Variants in CENPP observed in about 807,000 individuals in gnomAD.
CENPP encodes the protein centromere protein P.
CENPP carries 24 observed loss-of-function variants against 35.6 expected under a neutral mutation model. The observed-to-expected ratio is 0.67, with a 90% CI of 0.49 to 0.95. CENPP has a LOEUF of 0.95. Ranked by LOEUF, CENPP falls within the 40% of genes least tolerant of loss-of-function variation. The probability of loss-of-function intolerance (pLI) is 0.00; values close to 1 mark genes in which losing one functional copy is unlikely to be tolerated. For synonymous variants in CENPP, 120 were observed against 125.5 expected, an observed-to-expected ratio of 0.96 and a Z score of 0.29; for missense variants, 332 against 345.3, an observed-to-expected ratio of 0.96 and a Z score of 0.31.
At chr9:92,562,074 C>G (rs1849859896) in intron 5 of CENPP, among the ~76,000 whole-genome samples, 1 of 152,140 alleles carries the variant, frequency 6.6e-6, no homozygotes, top group South Asian at 2.1e-4. Context: ...GGCTTCAATG[C>G]CTGAATTTGG....
At chr9:92,334,746 G>A (rs1226678418) in intron 2 of CENPP, among the ~76,000 whole-genome samples, 1 of 152,006 alleles carries the variant, frequency 6.6e-6, no homozygotes, top group African/African-American at 2.4e-5. Flanking sequence ...TAGGCATGGT[G>A]GAGTGTTCCT....
At chr9:92,445,622 G>A (rs1038782128) in intron 5 of CENPP, among the ~76,000 whole-genome samples, 7 of 152,142 alleles carry the variant, frequency 4.6e-5, no homozygotes, top group African/African-American at 1.2e-4. Context: ...GGTAGCTCAC[G>A]CCTGTAATCT....
At chr9:92,568,247 C>T (rs1162764502) in intron 5 of CENPP, among the ~76,000 whole-genome samples, 2 of 152,056 alleles carry the variant, frequency 1.3e-5, no homozygotes, top group Non-Finnish European at 2.9e-5. Flanking sequence ...CCCCCCACCG[C>T]ACAACAGGCC....
intron 5 of CENPP, among the ~76,000 whole-genome samples, chr9:92,436,336 T>C (rs532034455): frequency 1.1e-4 from 17 of 152,356 alleles, no homozygotes; most frequent in African/African-American, 4.1e-4. Flanking sequence ...TGCAAAGATT[T>C]TCTCCATTCT....
At chr9:92,507,669 A>C (rs976075082) in intron 5 of CENPP, among the ~76,000 whole-genome samples, 1 of 152,192 alleles carries the variant, frequency 6.6e-6, no homozygotes, top group Non-Finnish European at 1.5e-5. Flanking sequence ...ATGGTCATCC[A>C]CTAGAGCAGC....
In CENPP at chr9:92,554,389, G is replaced by T. The variant is rs1459238044; in HGVS notation, c.565-56925G>T. On this transcript the variant is annotated intron_variant, in intron 5 of 7. Coordinates refer to ENST00000375587, the MANE Select transcript of CENPP (RefSeq NM_001012267.3). ...GTAAAGATGGGGTTTCACCATTTTG[G>T]TCAGGCTGGTCTTGAACTCCTGACC... is the stretch of plus-strand genomic sequence containing the variant. Among the ~76,000 whole-genome samples, 7 of 152,214 alleles carry T rather than the reference G, an allele frequency of 4.6e-5. No homozygotes were observed. The South Asian group carries it at 1.5e-3, about 32-fold the overall frequency.
chr9:92,598,424 G>A (rs572160982), intron 5 of CENPP, among the ~76,000 whole-genome samples: 2 of 152,340 alleles, frequency 1.3e-5, no homozygotes, highest in African/African-American at 2.4e-5. Context: ...ACAGAGTATC[G>A]GGAGTAGTGG....
At chr9:92,556,315 C>G (rs1564001838) in intron 5 of CENPP, among the ~76,000 whole-genome samples, 3 of 152,036 alleles carry the variant, frequency 2.0e-5, no homozygotes, top group Non-Finnish European at 4.4e-5. Flanking sequence ...ATCATATGGT[C>G]TATCTTGGAG....
rs1330495529 is a variant in CENPP, at chr9:92,552,162, ATATATGTGATATGATAGAT to A, written c.565-59151_565-59133del. ...ATATGTGATATGATAGATCTATCAT[ATATATGTGATATGATAGAT>A]CTATCATATACACACACACACACAC... On this transcript the variant is annotated intron_variant, in intron 5 of 7. Coordinates refer to ENST00000375587, the MANE Select transcript of CENPP (RefSeq NM_001012267.3). 5.6e-3 allele frequency among the ~76,000 whole-genome samples: 771 copies of A among 138,304 alleles called. 6 individuals are homozygous for A. Among genetic ancestry groups the A allele is most frequent in the South Asian group, 0.018 (79 of 4,454 alleles). 90.7% of individuals were successfully genotyped at this position (138,304 alleles called of 152,430 possible).
At chr9:92,596,144 T>G (rs1167047945) in intron 5 of CENPP, among the ~76,000 whole-genome samples, 3 of 151,800 alleles carry the variant, frequency 2.0e-5, no homozygotes, top group Non-Finnish European at 4.4e-5. Context: ...TGTTTGGTTG[T>G]TTGTTTTGAG....
chr9:92,560,350 C>T (rs746031076), intron 5 of CENPP, among the ~76,000 whole-genome samples: 2 of 152,096 alleles, frequency 1.3e-5, no homozygotes, highest in Non-Finnish European at 2.9e-5. Flanking sequence ...GTCACGAATC[C>T]CTTGGTGTTG....
At chr9:92,568,184 C>T (rs956772371) in intron 5 of CENPP, among the ~76,000 whole-genome samples, 1 of 151,354 alleles carries the variant, frequency 6.6e-6, no homozygotes, top group African/African-American at 2.4e-5. Flanking sequence ...GTGCTGTACT[C>T]GTTAACTCAA....
intron 5 of CENPP, among the ~76,000 whole-genome samples, chr9:92,412,233 T>C (rs1588111361): frequency 6.6e-6 from 1 of 152,174 alleles, no homozygotes; most frequent in East Asian, 1.9e-4. Context: ...ACTGCAGGCA[T>C]GCACCACCAT....
At chr9:92,334,118 A>G (rs1840843587) in intron 2 of CENPP, among the ~76,000 whole-genome samples, 1 of 134,076 alleles carries the variant, frequency 7.5e-6, no homozygotes, top group Non-Finnish European at 1.6e-5. Flanking sequence ...TAATGAGAGT[A>G]GGGTTTTTTT....
At chr9:92,442,213 C>G (rs1217670275) in intron 5 of CENPP, among the ~76,000 whole-genome samples, 1 of 151,790 alleles carries the variant, frequency 6.6e-6, no homozygotes, top group African/African-American at 2.4e-5. Context: ...GCCTGACCAA[C>G]ATGGAGAAAC....
chr9:92,445,914 T>C (rs1427503300), intron 5 of CENPP, among the ~76,000 whole-genome samples: 1 of 152,004 alleles, frequency 6.6e-6, no homozygotes, highest in African/African-American at 2.4e-5. Flanking sequence ...AAGATAATAA[T>C]AGGGATGGAA....
intron 5 of CENPP, chr9:92,459,708 C>T (rs1384437915): frequency 4.3e-6 from 7 of 1,612,932 alleles, no homozygotes; most frequent in East Asian, 2.2e-5. Context: ...TTCTCTCACA[C>T]GTGGTATGTT....
At chr9:92,414,525 T>A (rs772837416) in intron 5 of CENPP, 2 of 209,552 alleles carry the variant, frequency 9.5e-6, no homozygotes, top group Non-Finnish European at 1.9e-5. Context: ...GCAAAAAGAT[T>A]AGTTAATTTT....
At position 92,619,702 on chromosome 9, in the gene CENPP, C is replaced by A. The variant is rs1851563983; in HGVS notation, c.*6553C>A. On this transcript the variant is annotated 3_prime_UTR_variant, in exon 8 of 8. Coordinates refer to ENST00000375587, the MANE Select transcript of CENPP (RefSeq NM_001012267.3). ...AGGGTGGGATTAGGAGCGAGGGCCA[C>A]GGTGAGCACGGGCGTCAGGAGGTCG... 2 of 753,390 alleles carry A rather than the reference C, an allele frequency of 2.7e-6. No individual in the cohort carries two copies. The highest frequency in any genetic ancestry group is 4.5e-6 in the Non-Finnish European group (2 of 447,780). 46.7% of individuals were successfully genotyped at this position (753,390 alleles called of 1,614,324 possible).
Sources: allele counts gnomAD v4.1 joint callset (sites outside exome capture counted in the v4.1 genomes callset), GRCh38; gene constraint gnomAD v4.1.1; transcripts MANE v1.5; gene names NCBI Gene and HGNC (gene_info 2026-07-23, HGNC 2026-07-21).